The following HERC1 variants were observed in gnomAD, a reference collection of about 807,000 sequenced individuals.
HERC1 encodes the protein probable E3 ubiquitin-protein ligase HERC1.
Under a neutral mutation model 554.3 loss-of-function variants are expected in HERC1, and 160 were observed. The ratio of observed to expected loss-of-function variants is 0.29; its 90% CI spans 0.25 to 0.33. The LOEUF (loss-of-function observed/expected upper bound fraction) is 0.33, where lower values mean the gene tolerates loss of function less well. HERC1 is among the 10% of genes least tolerant of loss of function. HERC1 has a pLI of 1.00. For synonymous variants in HERC1, 2,175 were observed against 2,131.7 expected (o/e 1.02, Z -0.56); for missense variants, 4,919 against 5,918.5 (o/e 0.83, Z 5.54).
chr15:63,621,943 C>T (rs2152757191), intron 74 of HERC1, among the ~76,000 whole-genome samples: 1 of 152,166 alleles, frequency 6.6e-6, no homozygotes, highest in African/African-American at 2.4e-5. Context: ...GAACTTCCTC[C>T]TTTAGCTCAG....
At chr15:63,706,911 T>C (rs1050347508) in intron 24 of HERC1, 80 bp from the exon 25 acceptor site, 4 of 882,646 alleles carry the variant, frequency 4.5e-6, no homozygotes, top group Admixed American at 5.0e-5. Context: ...AGTATTAGAA[T>C]AGAAATTCAT....
At chr15:63,752,823 A>G in intron 8 of HERC1, 135 bp downstream of exon 8, 1 of 855,370 alleles carries the variant, frequency 1.2e-6, no homozygotes, top group Non-Finnish European at 1.8e-6. Context: ...TTCAAACAGA[A>G]GAAGATATTT....
chr15:63,681,753 T>C (rs906153745), intron 34 of HERC1, among the ~76,000 whole-genome samples: 3 of 152,176 alleles, frequency 2.0e-5, no homozygotes, highest in African/African-American at 4.8e-5. Flanking sequence ...AGTAAAAACC[T>C]TGGGTTCTGA....
At chr15:63,638,609 T>A in intron 62 of HERC1, 73 bp from the exon 63 acceptor site, 1 of 1,604,338 alleles carries the variant, frequency 6.2e-7, no homozygotes, top group Non-Finnish European at 8.5e-7. Flanking sequence ...GTACCAAGTG[T>A]GTGCCAGCCT....
intron 34 of HERC1, among the ~76,000 whole-genome samples, chr15:63,683,135 C>CAAAA (rs1336396917): frequency 7.7e-5 from 6 of 77,560 alleles, no homozygotes; most frequent in Non-Finnish European, 1.2e-4. Flanking sequence ...CACTCTGTCT[C>CAAAA]AAAAAAAAAA....
intron 43 of HERC1, 29 bp from the exon 44 acceptor site, chr15:63,663,233 T>A: frequency 6.4e-7 from 1 of 1,572,214 alleles, no homozygotes; most frequent in Non-Finnish European, 8.7e-7. Flanking sequence ...AGGCATTTTA[T>A]TTGCATGCAT....
In HERC1 at chr15:63,712,826, C is replaced by T. The variant is rs760985908; in HGVS notation, c.4533G>A (p.Arg1511=). The T allele has an allele frequency of 1.5e-5, 24 of 1,613,588 alleles. No individual in the cohort carries two copies. In the South Asian group the frequency reaches 2.5e-4, roughly 17 times the overall value. Residue 1511 remains arginine (R), a synonymous_variant, in exon 24 of 78, where the codon AGG becomes AGA. Coordinates refer to ENST00000443617, the MANE Select transcript of HERC1 (RefSeq NM_003922.4). ...CAGGCTGAGACAAATCAGATTCACT[C>T]CTCGATTTGATCAGTCTATAATTTG... The part of the protein sequence containing the change: ...TSPNYRLIKS[R]SESDLSQPES...
rs1567082679 is a variant in HERC1, at chr15:63,747,706, A to G, written c.2354+18T>C. 6.7e-7 allele frequency: 1 copy of G among 1,483,548 alleles called. No individual in the cohort carries two copies. The highest frequency in any genetic ancestry group is 9.2e-7 in the Non-Finnish European group (1 of 1,086,540). 91.9% of individuals were successfully genotyped at this position (1,483,548 alleles called of 1,614,324 possible). On this transcript the variant is annotated intron_variant, in intron 11 of 77. Coordinates refer to ENST00000443617, the MANE Select transcript of HERC1 (RefSeq NM_003922.4). ...CGCACACACACACACAAAGATACAA[A>G]ACATACATATAACATACCTTGATGA...
intron 66 of HERC1, 108 bp from the exon 67 acceptor site, chr15:63,634,078 C>T (rs1225131904): frequency 8.4e-7 from 1 of 1,185,748 alleles, no homozygotes; most frequent in Non-Finnish European, 1.2e-6. Flanking sequence ...GCTATGTTTC[C>T]AAATATCTAC....
chr15:63,757,835 G>A (rs151202543), intron 4 of HERC1, among the ~76,000 whole-genome samples: 1,872 of 151,902 alleles, frequency 0.012, 34 homozygotes, highest in African/African-American at 0.043. Context: ...TCAGCCTCCC[G>A]AGTAGCTGGG....
intron 1 of HERC1, among the ~76,000 whole-genome samples, chr15:63,814,879 A>G (rs1011185672): frequency 1.3e-5 from 2 of 152,224 alleles, no homozygotes; most frequent in African/African-American, 4.8e-5. Context: ...TCAAATAAGA[A>G]TTCATATGAA....
intron 2 of HERC1, among the ~76,000 whole-genome samples, chr15:63,771,434 C>T (rs2075952251): frequency 7.9e-6 from 1 of 126,016 alleles, no homozygotes; most frequent in Non-Finnish European, 1.8e-5. Flanking sequence ...GAAAAGCAAT[C>T]TAGTTTTTTT....
intron 23 of HERC1, among the ~76,000 whole-genome samples, 175 bp downstream of exon 23, chr15:63,713,178 G>A (rs1336312722): frequency 6.6e-6 from 1 of 152,240 alleles, no homozygotes; most frequent in Non-Finnish European, 1.5e-5. Context: ...TATAGCCCAT[G>A]CTGAATCAGT....
chr15:63,670,014 T>C (rs1318148070), intron 39 of HERC1, among the ~76,000 whole-genome samples: 1 of 152,130 alleles, frequency 6.6e-6, no homozygotes, highest in Non-Finnish European at 1.5e-5. Context: ...AATACCAAGA[T>C]AAGAGGGGTA....
chr15:63,745,303 T>C (rs1490510787), intron 12 of HERC1, among the ~76,000 whole-genome samples: 6 of 152,162 alleles, frequency 3.9e-5, no homozygotes, highest in Admixed American at 1.3e-4. Flanking sequence ...CCACTGTCTC[T>C]GGGACCAGTT....
intron 2 of HERC1, among the ~76,000 whole-genome samples, chr15:63,770,385 G>T (rs1026757600): frequency 6.6e-6 from 1 of 152,138 alleles, no homozygotes; most frequent in African/African-American, 2.4e-5. Context: ...AATTTGAAAT[G>T]TCTGTGCATC....
At position 63,655,965 on chromosome 15, in the gene HERC1, C is replaced by T. The variant is rs956779078; in HGVS notation, c.9871-10G>A. ...CAGCAGAAATCAAGTTCTGAAGAAGCAATTGGAAAAACAGACTTAATTTTT... is the reference window on the plus strand; with the variant it reads ...CAGCAGAAATCAAGTTCTGAAGAAGTAATTGGAAAAACAGACTTAATTTTT... On this transcript the variant is annotated splice_polypyrimidine_tract_variant and intron_variant, in intron 49 of 77. Coordinates refer to ENST00000443617, the MANE Select transcript of HERC1 (RefSeq NM_003922.4). 2 of 1,605,472 alleles carry T rather than the reference C, an allele frequency of 1.2e-6. No individual in the cohort carries two copies. Among genetic ancestry groups the T allele is most frequent in the Non-Finnish European group, 1.7e-6 (2 of 1,174,644 alleles).
At chr15:63,708,240 G>C (rs1447661871) in intron 24 of HERC1, among the ~76,000 whole-genome samples, 1 of 151,998 alleles carries the variant, frequency 6.6e-6, no homozygotes, top group Admixed American at 6.6e-5. Context: ...ACAATCTCAG[G>C]CCTCAGAACC....
chr15:63,644,939 T>C, intron 57 of HERC1, 53 bp downstream of exon 57: 2 of 1,307,414 alleles, frequency 1.5e-6, no homozygotes, highest in Non-Finnish European at 2.2e-6. Context: ...ATGACTCTGA[T>C]GTCATATACT....
Sources: allele counts gnomAD v4.1 joint callset (sites outside exome capture counted in the v4.1 genomes callset), GRCh38; gene constraint gnomAD v4.1.1; transcripts MANE v1.5; gene names NCBI Gene and HGNC (gene_info 2026-07-23, HGNC 2026-07-21).